Variants in TANC1 observed in about 807,000 individuals in gnomAD.
TANC1 encodes protein TANC1.
Under a neutral mutation model 149.7 loss-of-function variants are expected in TANC1, and 77 were observed. That is an observed-to-expected ratio of 0.51 (90% confidence interval 0.43 to 0.62). The LOEUF (loss-of-function observed/expected upper bound fraction) is 0.62. TANC1 is among the 20% of genes least tolerant of loss of function. TANC1 has a pLI of 0.00. For synonymous variants in TANC1, 854 were observed against 925.0 expected (o/e 0.92, Z 1.39); for missense variants, 1,985 against 2,321.8 (o/e 0.85, Z 2.98).
intron 1 of TANC1, among the ~76,000 whole-genome samples, chr2:158,977,574 G>A (rs2149198413): frequency 6.7e-6 from 1 of 149,924 alleles, no homozygotes; most frequent in African/African-American, 2.5e-5. Flanking sequence ...GCCTCCCAAA[G>A]TGCTGGGATT....
At chr2:159,107,622 C>A (rs1473031598) in intron 4 of TANC1, among the ~76,000 whole-genome samples, 6 of 152,176 alleles carry the variant, frequency 3.9e-5, no homozygotes, top group African/African-American at 1.4e-4. Context: ...GAATTGTCTT[C>A]TCTTGACCAA....
intron 3 of TANC1, among the ~76,000 whole-genome samples, chr2:159,096,629 C>T (rs942455719): frequency 2.0e-5 from 3 of 152,174 alleles, no homozygotes; most frequent in Non-Finnish European, 4.4e-5. Flanking sequence ...AGGGTTGGAC[C>T]ACACAGTCTA....
chr2:159,232,016 A>G lies in TANC1; in HGVS notation c.*1004A>G, dbSNP rs2060349658. The G allele has an allele frequency of 6.6e-6, 1 of 152,658 alleles. No homozygotes were observed. The highest frequency in any genetic ancestry group is 2.1e-4 in the South Asian group (1 of 4,834). 9.5% of individuals were successfully genotyped at this position (152,658 alleles called of 1,614,324 possible). A position where few individuals can be genotyped will look rare whatever the true frequency, so the allele number is the denominator to read the frequency against. Reference sequence around the variant, plus strand: ...AGAACTATTTCAATGTAGTTAATCTAAAAACAAAAAAGAAAACCCCAGTCA... The same window carrying G: ...AGAACTATTTCAATGTAGTTAATCTGAAAACAAAAAAGAAAACCCCAGTCA... On this transcript the variant is annotated 3_prime_UTR_variant, in exon 27 of 27. Transcript: ENST00000263635.
intron 22 of TANC1, among the ~76,000 whole-genome samples, chr2:159,223,060 C>A (rs2059801108): frequency 6.6e-6 from 1 of 152,208 alleles, no homozygotes; most frequent in African/African-American, 2.4e-5. Flanking sequence ...TGCCCACCAC[C>A]ACACCCAGCT....
At chr2:159,156,832 G>A (rs2053488251) in intron 7 of TANC1, among the ~76,000 whole-genome samples, 1 of 4,672 alleles carries the variant, frequency 2.1e-4, no homozygotes, top group Non-Finnish European at 1.9e-3. Context: ...CTTGTCTCTG[G>A]AGACTTCTCA....
Position 159,224,360 on chromosome 2 carries a change from G to C in TANC1, c.3807G>C (p.Lys1269Asn). The change falls in exon 23 of 27, where the codon AAG becomes AAC. Residue 1269 changes from lysine to asparagine, a missense_variant. Lys to Asn is a moderately conservative substitution (Grantham distance 94). Coordinates refer to ENST00000263635, the MANE Select transcript of TANC1 (RefSeq NM_033394.3). ...TGGCGCTACTCAGAAAGGGAGCCAA[G>C]TTAGGTCAGTGAGCACTGCCTCCAT... Reference protein sequence around the residue: ...VVVALLRKGAKLGNAAWAMAT... With the variant: ...VVVALLRKGANLGNAAWAMAT... 6.2e-7 allele frequency: 1 copy of C among 1,614,150 alleles called. No homozygotes were observed. Among genetic ancestry groups the C allele is most frequent in the Non-Finnish European group, 8.5e-7 (1 of 1,180,046 alleles).
Position 159,219,768 on chromosome 2 carries a change from G to A in TANC1, c.3579G>A (p.Val1193=). The change falls in exon 22 of 27, where the codon GTG becomes GTA. Residue 1193 remains valine (V), a synonymous_variant. Coordinates refer to ENST00000263635, the MANE Select transcript of TANC1 (RefSeq NM_033394.3). ...CTTGTCTGAAAGGTCACAGGGCAGT[G>A]GTCCAGTATCTGGTTGAAGAAGGAG... is the stretch of plus-strand genomic sequence containing the variant. ...SWACLKGHRA[V]VQYLVEEGAA... The A allele has an allele frequency of 6.2e-7, 1 of 1,614,230 alleles. No homozygotes were observed. Among genetic ancestry groups the A allele is most frequent in the Non-Finnish European group, 8.5e-7 (1 of 1,180,048 alleles).
intron 4 of TANC1, among the ~76,000 whole-genome samples, chr2:159,102,276 T>C (rs2046800259): frequency 6.6e-6 from 1 of 152,276 alleles, no homozygotes; most frequent in East Asian, 1.9e-4. Context: ...CTTGTGTCAC[T>C]TAAGTTTTTT....
intron 2 of TANC1, among the ~76,000 whole-genome samples, chr2:159,035,544 C>T (rs1161819428): frequency 2.0e-5 from 3 of 152,198 alleles, no homozygotes; most frequent in Non-Finnish European, 4.4e-5. Flanking sequence ...TTCTTTTCTG[C>T]GTCTGATAGG....
chr2:159,096,007 G>A (rs1382921495), intron 3 of TANC1, among the ~76,000 whole-genome samples: 1 of 152,030 alleles, frequency 6.6e-6, no homozygotes, highest in Non-Finnish European at 1.5e-5. Flanking sequence ...GTGTATGTGT[G>A]GTTTTTTTGG....
At chr2:159,136,000 TTTTGTGTG>T (rs1295301529) in intron 4 of TANC1, among the ~76,000 whole-genome samples, 186 bp from the exon 5 acceptor site, 8 of 94,748 alleles carry the variant, frequency 8.4e-5, no homozygotes, top group African/African-American at 2.5e-4. Context: ...TGTACTGAAA[TTTTGTGTG>T]TGTGTGTGTG....
At chr2:159,020,947 C>T (rs996661387) in intron 2 of TANC1, among the ~76,000 whole-genome samples, 6 of 151,704 alleles carry the variant, frequency 4.0e-5, no homozygotes, top group African/African-American at 1.5e-4. Context: ...ATCTTTCCAT[C>T]ATCTGTGGAA....
intron 5 of TANC1, 115 bp downstream of exon 5, chr2:159,136,413 G>A (rs1219192227): frequency 1.5e-6 from 1 of 674,624 alleles, no homozygotes; most frequent in Non-Finnish European, 2.6e-6. Context: ...AATGTATTTG[G>A]GAGGTATTTT....
chr2:159,165,381 A>C (rs1318123858), intron 8 of TANC1, among the ~76,000 whole-genome samples: 1 of 152,218 alleles, frequency 6.6e-6, no homozygotes, highest in Non-Finnish European at 1.5e-5. Flanking sequence ...AGCAAAGTCT[A>C]CCTGGCCTAA....
At chr2:159,169,215 C>T in intron 8 of TANC1, 35 bp from the exon 9 acceptor site, 1 of 1,591,934 alleles carries the variant, frequency 6.3e-7, no homozygotes. Context: ...TTAAAGTCAC[C>T]TTTGAAGATA....
intron 1 of TANC1, among the ~76,000 whole-genome samples, chr2:158,998,919 G>A (rs1490729353): frequency 6.6e-6 from 1 of 152,198 alleles, no homozygotes; most frequent in East Asian, 1.9e-4. Context: ...GAAGGGGTAG[G>A]AACACTGATC....
intron 1 of TANC1, among the ~76,000 whole-genome samples, chr2:158,974,181 A>G (rs2033312793): frequency 6.6e-6 from 1 of 152,148 alleles, no homozygotes; most frequent in Admixed American, 6.5e-5. Flanking sequence ...CTTAACAACA[A>G]CTGTTTATTT....
chr2:158,995,033 T>C (rs1159980807), intron 1 of TANC1, among the ~76,000 whole-genome samples: 19 of 152,204 alleles, frequency 1.2e-4, no homozygotes, highest in Non-Finnish European at 2.8e-4. Flanking sequence ...ACTAGCCATT[T>C]ATGGGGCTGA....
At chr2:159,158,555 A>G (rs1351838584) in intron 7 of TANC1, among the ~76,000 whole-genome samples, 1 of 152,236 alleles carries the variant, frequency 6.6e-6, no homozygotes, top group Non-Finnish European at 1.5e-5. Flanking sequence ...CTTAAGGATC[A>G]TTACTTAATT....
Sources: allele counts gnomAD v4.1 joint callset (sites outside exome capture counted in the v4.1 genomes callset), GRCh38; gene constraint gnomAD v4.1.1; transcripts MANE v1.5; gene names NCBI Gene and HGNC (gene_info 2026-07-23, HGNC 2026-07-21).